The following TNR variants were observed in gnomAD, a reference collection of about 807,000 sequenced individuals.
TNR encodes tenascin R, also known as tenascin-R.
Under a neutral mutation model 150.4 loss-of-function variants are expected in TNR, and 45 were observed. That is an observed-to-expected ratio of 0.30 (90% CI 0.24 to 0.38). The LOEUF (loss-of-function observed/expected upper bound fraction) is 0.38, where lower values mean the gene tolerates loss of function less well. TNR is among the 10% of genes least tolerant of loss of function. TNR has a pLI of 1.00. For missense variants in TNR, 1,544 were observed against 1,759.1 expected, an observed-to-expected ratio of 0.88 and a Z score of 2.19; for synonymous variants, 687 against 678.4, an observed-to-expected ratio of 1.01 and a Z score of -0.20.
At chr1:175,501,915 G>A (rs1026117105) in intron 2 of TNR, among the ~76,000 whole-genome samples, 3 of 152,176 alleles carry the variant, frequency 2.0e-5, no homozygotes, top group South Asian at 2.1e-4. Flanking sequence ...TCTGGTGTGG[G>A]TACAGACAAT....
Position 175,599,306 on chromosome 1 carries a change from T to G in TNR, c.-164-70937A>C, listed in dbSNP as rs758622524. ...ACCGCGAAGAGCAGTGGCGGAGACA[T>G]CGCAGCAACGCTAACGGGGCAGACC... On this transcript the variant is annotated intron_variant, in intron 1 of 22. Coordinates refer to ENST00000367674, the MANE Select transcript of TNR (RefSeq NM_003285.3). The surrounding 1 kb of genome is among the most constrained non-coding windows in gnomAD (Gnocchi z 4.7). Among the ~76,000 whole-genome samples the G allele has an allele frequency of 1.3e-5, 2 of 152,092 alleles. No individual in the cohort carries two copies. Among genetic ancestry groups the G allele is most frequent in the Non-Finnish European group, 2.9e-5 (2 of 68,006 alleles).
At chr1:175,525,738 A>T (rs1357798444) in intron 2 of TNR, among the ~76,000 whole-genome samples, 1 of 152,224 alleles carries the variant, frequency 6.6e-6, no homozygotes, top group African/African-American at 2.4e-5. Context: ...CTCAAGGGTT[A>T]AGCTCAAGGT....
At chr1:175,712,239 T>C (rs544275308) in intron 1 of TNR, among the ~76,000 whole-genome samples, 2 of 152,140 alleles carry the variant, frequency 1.3e-5, no homozygotes, top group Admixed American at 6.5e-5. Flanking sequence ...AACTTGCGTA[T>C]CTTGCCCAAG....
In TNR at chr1:175,354,449, G is replaced by A. The variant is rs772017542; in HGVS notation, c.3324C>T (p.Leu1108=). 2 of 1,614,006 alleles carry A rather than the reference G, an allele frequency of 1.2e-6. No individual in the cohort carries two copies. The highest frequency in any genetic ancestry group is 1.3e-5 in the African/African-American group (1 of 74,930). Residue 1108 remains leucine, a synonymous_variant, in exon 18 of 23, where the codon CTC becomes CTT. Coordinates refer to ENST00000367674, the MANE Select transcript of TNR (RefSeq NM_003285.3). ...GLLENTDYTV[L]LQAAQDTTWS... is the part of the protein sequence containing the mutation. ...ACGTGGTGTCCTGTGCTGCCTGCAG[G>A]AGCACCGTGTAGTCTGTGTTCTCCA... is the stretch of plus-strand genomic sequence containing the variant.
chr1:175,720,047 C>CA (rs753853592), intron 1 of TNR, among the ~76,000 whole-genome samples: 3 of 152,342 alleles, frequency 2.0e-5, no homozygotes, highest in Non-Finnish European at 2.9e-5. Context: ...AGCACTGTCT[C>CA]ACTCACTCAT....
chr1:175,466,897 C>G (rs999032460), intron 2 of TNR, among the ~76,000 whole-genome samples: 2 of 152,072 alleles, frequency 1.3e-5, no homozygotes, highest in African/African-American at 4.8e-5. Flanking sequence ...AGCTCCACAT[C>G]TGGGACAGGA....
At chr1:175,464,330 A>T (rs1033737684) in intron 2 of TNR, among the ~76,000 whole-genome samples, 6 of 152,210 alleles carry the variant, frequency 3.9e-5, no homozygotes, top group African/African-American at 1.4e-4. Flanking sequence ...CCAGAATTAA[A>T]GTGGTAAGTG....
At chr1:175,389,026 T>C (rs1653054993) in intron 7 of TNR, among the ~76,000 whole-genome samples, 1 of 152,266 alleles carries the variant, frequency 6.6e-6, no homozygotes, top group Admixed American at 6.5e-5. Flanking sequence ...TTTTGTCTTT[T>C]ACTAATACTT....
At chr1:175,632,274 A>G (rs1664350240) in intron 1 of TNR, among the ~76,000 whole-genome samples, 1 of 152,232 alleles carries the variant, frequency 6.6e-6, no homozygotes, top group Non-Finnish European at 1.5e-5. Context: ...GATGGTGTGA[A>G]GAGAACCAGT....
At chr1:175,654,229 T>C (rs1175002830) in intron 1 of TNR, among the ~76,000 whole-genome samples, 2 of 152,216 alleles carry the variant, frequency 1.3e-5, no homozygotes, top group Non-Finnish European at 2.9e-5. Context: ...GGCATATACA[T>C]GCAAAAGACT....
At chr1:175,487,017 A>G (rs1310293740) in intron 2 of TNR, among the ~76,000 whole-genome samples, 1 of 152,040 alleles carries the variant, frequency 6.6e-6, no homozygotes, top group Non-Finnish European at 1.5e-5. Flanking sequence ...TAGATTCTGG[A>G]TATTAGCCCT....
chr1:175,606,471 C>T (rs1039286604), intron 1 of TNR, among the ~76,000 whole-genome samples: 5 of 152,182 alleles, frequency 3.3e-5, no homozygotes, highest in African/African-American at 1.2e-4. Context: ...ATTAAGGATC[C>T]TGACACTCTA....
chr1:175,601,061 TATTTATACAG>T (rs1421907517), intron 1 of TNR, among the ~76,000 whole-genome samples: 1 of 152,252 alleles, frequency 6.6e-6, no homozygotes, highest in African/African-American at 2.4e-5. Flanking sequence ...AGTTTCAACA[TATTTATACAG>T]ATTTATATGT....
At chr1:175,334,314 G>C (rs1650112115) in intron 20 of TNR, among the ~76,000 whole-genome samples, 1 of 152,178 alleles carries the variant, frequency 6.6e-6, no homozygotes, top group Admixed American at 6.5e-5. Flanking sequence ...TAATTTTAAA[G>C]CAAGGATGAT....
intron 2 of TNR, among the ~76,000 whole-genome samples, chr1:175,458,394 C>T (rs1276568826): frequency 6.6e-6 from 1 of 152,186 alleles, no homozygotes; most frequent in African/African-American, 2.4e-5. Context: ...AAGGCATGCA[C>T]CCTGTCTTCA....
At chr1:175,704,075 AT>A (rs1210435609) in intron 1 of TNR, among the ~76,000 whole-genome samples, 1 of 152,222 alleles carries the variant, frequency 6.6e-6, no homozygotes, top group African/African-American at 2.4e-5. Flanking sequence ...TTAATGTTTA[AT>A]GGATACAGCA....
chr1:175,471,983 A>G (rs2102118209), intron 2 of TNR, among the ~76,000 whole-genome samples: 1 of 152,180 alleles, frequency 6.6e-6, no homozygotes, highest in South Asian at 2.1e-4. Context: ...TAAAAACCAA[A>G]GCACACTAGC....
chr1:175,492,583 G>A (rs1348986888), intron 2 of TNR, among the ~76,000 whole-genome samples: 2 of 152,142 alleles, frequency 1.3e-5, no homozygotes, highest in African/African-American at 4.8e-5. Flanking sequence ...TGTGTGTCAA[G>A]GCCTAAGTTG....
At chr1:175,704,647 G>T (rs1666797698) in intron 1 of TNR, among the ~76,000 whole-genome samples, 1 of 152,188 alleles carries the variant, frequency 6.6e-6, no homozygotes, top group African/African-American at 2.4e-5. Flanking sequence ...GATGCAGAAG[G>T]AGAAGAAAGG....
Sources: gnomAD v4.1 joint callset for allele counts (sites outside exome capture counted in the v4.1 genomes callset) on GRCh38, gnomAD v4.1.1 for gene constraint, Gnocchi (gnomAD v3.1) non-coding constraint, MANE v1.5 for transcripts, NCBI Gene and HGNC (gene_info 2026-07-23, HGNC 2026-07-21) for gene names.